TBC1D14: variants seen among roughly 807,000 people sequenced by gnomAD.
TBC1D14 encodes the protein TBC1 domain family member 14.
In TBC1D14, 26 loss-of-function variants were observed where a neutral mutation model predicts 79.0. The observed-to-expected ratio is 0.33, with a 90% CI of 0.24 to 0.46. TBC1D14 has a LOEUF of 0.46. TBC1D14 is among the 20% of genes least tolerant of loss of function. TBC1D14 has a pLI of 1.00. For synonymous variants in TBC1D14, 394 were observed against 349.9 expected (o/e 1.13, Z -1.40); for missense variants, 769 against 887.6 (o/e 0.87, Z 1.70).
intron 13 of TBC1D14, among the ~76,000 whole-genome samples, chr4:7,026,977 C>G (rs1722440882): frequency 6.6e-6 from 1 of 152,126 alleles, no homozygotes; most frequent in Non-Finnish European, 1.5e-5. Context: ...CTTTGAGAGG[C>G]TGAGGCAGGT....
intron 8 of TBC1D14, 142 bp from the exon 9 acceptor site, chr4:7,006,490 A>C: frequency 1.7e-6 from 1 of 596,072 alleles, no homozygotes; most frequent in Non-Finnish European, 3.0e-6. Flanking sequence ...CTGAAGCTGC[A>C]CTCTGAGTCA....
intron 3 of TBC1D14, 137 bp from the exon 4 acceptor site, chr4:6,994,047 A>G: frequency 2.8e-6 from 2 of 705,694 alleles, no homozygotes; most frequent in Non-Finnish European, 4.9e-6. Context: ...TTCATTCTGA[A>G]TAGCAGGAAA....
At chr4:7,005,004 C>G in intron 8 of TBC1D14, 80 bp downstream of exon 8, 1 of 1,271,642 alleles carries the variant, frequency 7.9e-7, no homozygotes, top group Non-Finnish European at 1.1e-6. Context: ...AGAAAGTTGA[C>G]GTTAACTACA....
intron 2 of TBC1D14, among the ~76,000 whole-genome samples, chr4:6,948,533 G>A (rs1248193932): frequency 6.6e-6 from 1 of 152,024 alleles, no homozygotes; most frequent in Non-Finnish European, 1.5e-5. Context: ...TGCCCACCAT[G>A]GTGTTCTCAC....
chr4:6,910,807 C>T (rs1722926607), intron 1 of TBC1D14, among the ~76,000 whole-genome samples: 1 of 152,192 alleles, frequency 6.6e-6, no homozygotes, highest in African/African-American at 2.4e-5. Flanking sequence ...GCCGTTTTCT[C>T]TAGCGTGGAA....
At chr4:6,934,582 T>C (rs140568905) in intron 2 of TBC1D14, among the ~76,000 whole-genome samples, 159 of 149,518 alleles carry the variant, frequency 1.1e-3, no homozygotes, top group African/African-American at 3.8e-3. Flanking sequence ...CTCTTGAACC[T>C]GGGAGGCAGA....
At position 6,939,887 on chromosome 4, in the gene TBC1D14, A is replaced by C. The variant is rs1560263320; in HGVS notation, c.722+15776A>C. On this transcript the variant is annotated intron_variant, in intron 2 of 13. Transcript: ENST00000409757. ...TGTGCGGGTGAAGCGTGTTCTTCCG[A>C]AGGACACAGTGGAGACGAAGGCCCT... is the stretch of plus-strand genomic sequence containing the variant. 2.6e-5 allele frequency among the ~76,000 whole-genome samples: 4 copies of C among 152,174 alleles called. 1 individual carries two copies. In the South Asian group the frequency reaches 8.3e-4, roughly 31 times the overall value.
At chr4:6,943,333 C>T (rs2108981248) in intron 2 of TBC1D14, among the ~76,000 whole-genome samples, 1 of 152,332 alleles carries the variant, frequency 6.6e-6, no homozygotes, top group South Asian at 2.1e-4. Flanking sequence ...TTCCTTCCTC[C>T]CTCTGCCCCT....
intron 3 of TBC1D14, among the ~76,000 whole-genome samples, chr4:6,968,088 G>T (rs770183288): frequency 6.6e-6 from 1 of 152,158 alleles, no homozygotes; most frequent in African/African-American, 2.4e-5. Context: ...AGCCGGCTCG[G>T]CATCCTAAGA....
At chr4:6,985,443 G>A (rs1213357173) in intron 3 of TBC1D14, among the ~76,000 whole-genome samples, 1 of 152,074 alleles carries the variant, frequency 6.6e-6, no homozygotes, top group East Asian at 1.9e-4. Flanking sequence ...TTTACGCCTT[G>A]AGGAGACCAG....
At chr4:7,020,588 T>G (rs10025310) in intron 12 of TBC1D14, among the ~76,000 whole-genome samples, 4 of 152,138 alleles carry the variant, frequency 2.6e-5, no homozygotes, top group African/African-American at 9.6e-5. Context: ...AGGTCCAAGT[T>G]GCTGGTTTTG....
At chr4:7,007,508 C>T in intron 9 of TBC1D14, 2 of 1,286,340 alleles carry the variant, frequency 1.6e-6, no homozygotes, top group Non-Finnish European at 2.0e-6. Context: ...TGTCTGTTCT[C>T]ACTGCCTTTA....
chr4:6,987,728 G>C (rs1233710003), intron 3 of TBC1D14, among the ~76,000 whole-genome samples: 1 of 152,200 alleles, frequency 6.6e-6, no homozygotes, highest in Non-Finnish European at 1.5e-5. Flanking sequence ...CCTCGCCTGC[G>C]ATCCGATGAG....
intron 3 of TBC1D14, among the ~76,000 whole-genome samples, chr4:6,980,095 A>G (rs928541878): frequency 6.6e-6 from 1 of 152,236 alleles, no homozygotes; most frequent in African/African-American, 2.4e-5. Context: ...CAGCAAAAGC[A>G]GAATACAGTT....
chr4:6,971,121 C>T (rs533681683), intron 3 of TBC1D14, among the ~76,000 whole-genome samples: 3 of 152,362 alleles, frequency 2.0e-5, no homozygotes, highest in African/African-American at 7.2e-5. Context: ...GGTGTGCACA[C>T]TGGCCAGGAG....
At chr4:6,994,674 C>T (rs1178349459) in intron 4 of TBC1D14, among the ~76,000 whole-genome samples, 2 of 151,914 alleles carry the variant, frequency 1.3e-5, no homozygotes, top group South Asian at 2.1e-4. Flanking sequence ...ATGGTGAAAC[C>T]CTGTCTCTAC....
intron 2 of TBC1D14, among the ~76,000 whole-genome samples, chr4:6,947,939 C>T (rs991757911): frequency 1.3e-5 from 2 of 152,104 alleles, no homozygotes; most frequent in Non-Finnish European, 1.5e-5. Flanking sequence ...GTAGGAAGCC[C>T]GCCTGCCCTA....
intron 6 of TBC1D14, among the ~76,000 whole-genome samples, chr4:6,999,783 G>C (rs1180241623): frequency 6.6e-6 from 1 of 152,156 alleles, no homozygotes; most frequent in African/African-American, 2.4e-5. Context: ...GGTTCTGTGT[G>C]CACACAGCTG....
chr4:7,007,730 T>G, intron 9 of TBC1D14: 1 of 642,156 alleles, frequency 1.6e-6, no homozygotes. Context: ...GATTTCAGCT[T>G]CTCTGCCCTT....
Sources: allele counts gnomAD v4.1 joint callset (sites outside exome capture counted in the v4.1 genomes callset), GRCh38; gene constraint gnomAD v4.1.1; transcripts MANE v1.5; gene names NCBI Gene and HGNC (gene_info 2026-07-23, HGNC 2026-07-21).